Variants in MGST2 observed in about 807,000 individuals in gnomAD.
MGST2 encodes microsomal glutathione S-transferase 2.
A neutral mutation model predicts 16.6 loss-of-function variants in MGST2; 9 were observed. That is an observed-to-expected ratio of 0.54 (90% CI 0.33 to 0.95). The LOEUF is 0.95. MGST2 is among the 40% of genes least tolerant of loss of function. MGST2 has a pLI of 0.03. For synonymous variants in MGST2, 79 were observed against 68.0 expected, an observed-to-expected ratio of 1.16 and a Z score of -0.79; for missense variants, 159 against 175.1, an observed-to-expected ratio of 0.91 and a Z score of 0.52.
chr4:139,746,920 C>T, the MGST2 span, among the ~76,000 whole-genome samples: 12 of 152,202 alleles, frequency 7.9e-5, no homozygotes, highest in African/African-American at 2.9e-4. Context: ...GTCTGCTGTC[C>T]TGGACTAGGC....
chr4:139,682,872 G>GAA (rs74269656), intron 2 of MGST2, among the ~76,000 whole-genome samples: 3 of 130,956 alleles, frequency 2.3e-5, no homozygotes, highest in Non-Finnish European at 3.3e-5. Flanking sequence ...AGGAAAAAAA[G>GAA]AAAAAAAAAA....
chr4:139,666,166 G>C, intron 1 of MGST2, 89 bp downstream of exon 1: 9 of 1,338,730 alleles, frequency 6.7e-6, no homozygotes, highest in Non-Finnish European at 9.6e-6. Flanking sequence ...GGGAGGGAGG[G>C]AGATGGGTCC....
chr4:139,747,925 A>G, the MGST2 span, among the ~76,000 whole-genome samples: 1 of 141,402 alleles, frequency 7.1e-6, no homozygotes, highest in Non-Finnish European at 1.5e-5. Flanking sequence ...ATGGTGGTGG[A>G]TGCCTATAAT....
At chr4:139,716,594 A>G (rs1727973066) in intron 5 of MGST2, among the ~76,000 whole-genome samples, 1 of 152,176 alleles carries the variant, frequency 6.6e-6, no homozygotes, top group Non-Finnish European at 1.5e-5. Context: ...TTGAATGCAA[A>G]GGCTGGGAAT....
intron 5 of MGST2, among the ~76,000 whole-genome samples, chr4:139,714,551 A>G (rs1308768201): frequency 6.6e-6 from 1 of 152,226 alleles, no homozygotes; most frequent in African/African-American, 2.4e-5. Flanking sequence ...TACGCGTAAT[A>G]AAACATAGAT....
chr4:139,698,411 C>A (rs186266163), intron 3 of MGST2: 23,214 of 1,553,330 alleles, frequency 0.015, 233 homozygotes, highest in Non-Finnish European at 0.019. Context: ...TTTCACGGAG[C>A]GCCACAGTAC....
intron 3 of MGST2, 68 bp from the exon 4 acceptor site, chr4:139,703,387 C>G: frequency 7.9e-7 from 1 of 1,271,916 alleles, no homozygotes; most frequent in Non-Finnish European, 1.2e-6. Flanking sequence ...TCTCAGTCGT[C>G]GTACAACATC....
downstream of MGST2, among the ~76,000 whole-genome samples, chr4:139,740,929 TCTTC>T (rs1405008270): frequency 6.6e-6 from 1 of 152,188 alleles, no homozygotes; most frequent in African/African-American, 2.4e-5. Flanking sequence ...GTCCCCATGT[TCTTC>T]CTTCCTTCCT....
chr4:139,750,894 A>G, the MGST2 span, among the ~76,000 whole-genome samples: 1 of 152,174 alleles, frequency 6.6e-6, no homozygotes, highest in South Asian at 2.1e-4. Context: ...TTGCTTTTAC[A>G]TTTCTGACTT....
chr4:139,737,314 A>T (rs540256882), intron 5 of MGST2, among the ~76,000 whole-genome samples: 7 of 147,980 alleles, frequency 4.7e-5, no homozygotes, highest in Non-Finnish European at 9.0e-5. Context: ...CATTTTGTTG[A>T]TTTTTTTTTT....
intron 1 of MGST2, among the ~76,000 whole-genome samples, chr4:139,672,562 C>A (rs1730754685): frequency 6.6e-6 from 1 of 151,884 alleles, no homozygotes; most frequent in Non-Finnish European, 1.5e-5. Flanking sequence ...AACTCCAATC[C>A]CAAGCATTTA....
At chr4:139,733,206 T>C (rs531851240) in intron 5 of MGST2, among the ~76,000 whole-genome samples, 70 of 152,330 alleles carry the variant, frequency 4.6e-4, no homozygotes, top group African/African-American at 1.5e-3. Flanking sequence ...TGCAGATATG[T>C]AGTTTGTTTT....
chr4:139,689,920 G>A (rs988639840), intron 2 of MGST2, among the ~76,000 whole-genome samples: 4 of 152,172 alleles, frequency 2.6e-5, no homozygotes, highest in Non-Finnish European at 5.9e-5. Flanking sequence ...AATACACTAA[G>A]TAATCCACTG....
chr4:139,713,802 G>A (rs1727832608), intron 5 of MGST2, among the ~76,000 whole-genome samples: 1 of 152,190 alleles, frequency 6.6e-6, no homozygotes, highest in African/African-American at 2.4e-5. Context: ...AATAGACAAG[G>A]TCATGCAGAT....
chr4:139,719,321 G>C (rs1449676049), intron 5 of MGST2: 1 of 1,576,548 alleles, frequency 6.3e-7, no homozygotes, highest in African/African-American at 1.3e-5. Flanking sequence ...GGCCTCTCTT[G>C]ATTAGGGGTT....
Position 139,704,153 on chromosome 4 carries a change from T to C in MGST2, c.*5T>C. ...AAACTGAGGCGGCAATTCTAACTTT[T>C]TCTCTTCCCTTTAATACTTGCAGAA... is the stretch of plus-strand genomic sequence containing the variant. On this transcript the variant is annotated 3_prime_UTR_variant, in exon 5 of 5. Coordinates refer to ENST00000265498, the MANE Select transcript of MGST2 (RefSeq NM_002413.5). 2 of 1,614,164 alleles carry C rather than the reference T, an allele frequency of 1.2e-6. No individual in the cohort carries two copies. Among genetic ancestry groups the C allele is most frequent in the Non-Finnish European group, 1.7e-6 (2 of 1,179,974 alleles).
At chr4:139,717,173 A>C (rs987391679) in intron 5 of MGST2, 1 of 152,592 alleles carries the variant, frequency 6.6e-6, no homozygotes, top group African/African-American at 2.4e-5. Flanking sequence ...CAAAACCAAA[A>C]CAAAACCACC....
At chr4:139,717,109 A>G (rs1411712206) in intron 5 of MGST2, 3 of 152,458 alleles carry the variant, frequency 2.0e-5, no homozygotes, top group Non-Finnish European at 4.4e-5. Flanking sequence ...GTAAAAACTT[A>G]TGTACAAATA....
At chr4:139,693,112 G>C (rs1202005387) in intron 2 of MGST2, among the ~76,000 whole-genome samples, 4 of 152,178 alleles carry the variant, frequency 2.6e-5, no homozygotes, top group African/African-American at 9.7e-5. Context: ...TTCCAAAAAA[G>C]TTCATATAAA....
Sources: allele counts gnomAD v4.1 joint callset (sites outside exome capture counted in the v4.1 genomes callset), GRCh38; gene constraint gnomAD v4.1.1; transcripts MANE v1.5; gene names NCBI Gene and HGNC (gene_info 2026-07-23, HGNC 2026-07-21).